Variants in NRF1 observed in about 807,000 individuals in gnomAD.
NRF1 encodes the protein alpha palindromic-binding protein.
Under a neutral mutation model 58.5 loss-of-function variants are expected in NRF1, and 5 were observed. That is an observed-to-expected ratio of 0.09 (90% confidence interval 0.04 to 0.18). The LOEUF is 0.18. Ranked by LOEUF, NRF1 falls within the 10% of genes least tolerant of loss-of-function variation. The pLI, the probability that NRF1 is intolerant of heterozygous loss-of-function variation, is 1.00. For synonymous variants in NRF1, 224 were observed against 246.7 expected (o/e 0.91, Z 0.86); for missense variants, 288 against 657.7 (o/e 0.44, Z 6.15).
chr7:129,744,125 C>G, intron 10 of NRF1: 3 of 1,362,062 alleles, frequency 2.2e-6, no homozygotes, highest in Non-Finnish European at 3.0e-6. Context: ...CCATCTTGCC[C>G]GGTGCTTTTT....
chr7:129,743,576 T>G (rs2096170631), intron 10 of NRF1, among the ~76,000 whole-genome samples: 1 of 152,240 alleles, frequency 6.6e-6, no homozygotes, highest in South Asian at 2.1e-4. Context: ...ACTTCAAATT[T>G]AGACAGTGTC....
chr7:129,667,741 GTATTTATTTATTTATTTATTTATT>G (rs140688640), intron 2 of NRF1, among the ~76,000 whole-genome samples: 38 of 144,476 alleles, frequency 2.6e-4, no homozygotes, highest in Non-Finnish European at 4.2e-4. Context: ...AATTTTAAAG[GTATTTATTTATTTATTTATTTATT>G]TATTTATTTA....
intron 10 of NRF1, among the ~76,000 whole-genome samples, chr7:129,754,141 T>G (rs1411675907): frequency 6.6e-6 from 1 of 152,042 alleles, no homozygotes; most frequent in African/African-American, 2.4e-5. Flanking sequence ...TTCTCTAAAC[T>G]TTTCTTTTCT....
intron 1 of NRF1, among the ~76,000 whole-genome samples, chr7:129,622,891 A>C (rs986728802): frequency 3.3e-5 from 5 of 152,192 alleles, no homozygotes; most frequent in Non-Finnish European, 7.4e-5. Flanking sequence ...TTTTCTAAGC[A>C]CACATGGATA....
chr7:129,727,690 G>A (rs545076162), intron 10 of NRF1, among the ~76,000 whole-genome samples: 2 of 152,246 alleles, frequency 1.3e-5, no homozygotes, highest in African/African-American at 2.4e-5. Flanking sequence ...CTGTCTCATC[G>A]GATAGGGTAG....
At chr7:129,674,852 G>A (rs1302122573) in intron 3 of NRF1, among the ~76,000 whole-genome samples, 1 of 152,298 alleles carries the variant, frequency 6.6e-6, no homozygotes, top group Admixed American at 6.5e-5. Flanking sequence ...TGATCAGGGT[G>A]GTTGTTGCTG....
intron 1 of NRF1, among the ~76,000 whole-genome samples, chr7:129,612,261 C>T (rs1017878482): frequency 2.0e-5 from 3 of 148,742 alleles, no homozygotes; most frequent in Non-Finnish European, 4.5e-5. Context: ...CCGCGGCTCT[C>T]GGCTCGCCCC....
chr7:129,626,642 T>C (rs1010501892), intron 1 of NRF1, among the ~76,000 whole-genome samples: 4 of 152,248 alleles, frequency 2.6e-5, no homozygotes, highest in African/African-American at 9.6e-5. Flanking sequence ...TAAAGGAGCA[T>C]TTAAACTTAC....
intron 4 of NRF1, among the ~76,000 whole-genome samples, chr7:129,680,436 A>G (rs558842630): frequency 2.4e-4 from 36 of 152,354 alleles, no homozygotes; most frequent in African/African-American, 8.7e-4. Context: ...TAGCAGTTCT[A>G]TTCCTAAGTT....
intron 4 of NRF1, among the ~76,000 whole-genome samples, chr7:129,688,672 ACATAG>A (rs1802495953): frequency 6.6e-6 from 1 of 150,600 alleles, no homozygotes; most frequent in Non-Finnish European, 1.5e-5. Context: ...GGCACGTCTT[ACATAG>A]TGGCAGGAGA....
At chr7:129,709,887 T>C (rs1803034432) in intron 6 of NRF1, among the ~76,000 whole-genome samples, 2 of 152,068 alleles carry the variant, frequency 1.3e-5, no homozygotes, top group South Asian at 4.2e-4. Flanking sequence ...TGCACCACCA[T>C]GCCCAGCTAA....
intron 3 of NRF1, among the ~76,000 whole-genome samples, chr7:129,673,931 G>A (rs1057313716): frequency 7.9e-5 from 12 of 151,964 alleles, no homozygotes; most frequent in African/African-American, 2.7e-4. Flanking sequence ...CCTGAGGTCG[G>A]GAGTTTGAGA....
At chr7:129,634,028 T>G (rs1037380117) in intron 1 of NRF1, among the ~76,000 whole-genome samples, 1 of 83,900 alleles carries the variant, frequency 1.2e-5, no homozygotes, top group African/African-American at 6.8e-5. Flanking sequence ...ACATCTGTAT[T>G]TAAAAAAAAA....
intron 5 of NRF1, among the ~76,000 whole-genome samples, chr7:129,694,752 TAGAC>T (rs1295088422): frequency 1.3e-5 from 2 of 152,134 alleles, no homozygotes; most frequent in Non-Finnish European, 2.9e-5. Flanking sequence ...CAAACCTAGA[TAGAC>T]AAGGGTATGG....
intron 10 of NRF1, among the ~76,000 whole-genome samples, chr7:129,727,604 A>G (rs1803478947): frequency 6.6e-6 from 1 of 152,204 alleles, no homozygotes; most frequent in Admixed American, 6.5e-5. Context: ...TGTTACTTAA[A>G]AAGTGATTAT....
chr7:129,742,892 G>C (rs1394287525), intron 10 of NRF1, among the ~76,000 whole-genome samples: 1 of 152,162 alleles, frequency 6.6e-6, no homozygotes, highest in African/African-American at 2.4e-5. Context: ...GCACTCTGTA[G>C]CCACTGTGTC....
chr7:129,645,277 G>A (rs1801380331), intron 1 of NRF1, among the ~76,000 whole-genome samples: 1 of 152,168 alleles, frequency 6.6e-6, no homozygotes, highest in South Asian at 2.1e-4. Flanking sequence ...AAAGTCAAAT[G>A]AAACTTCTCC....
intron 4 of NRF1, 109 bp downstream of exon 4, chr7:129,677,867 T>A: frequency 1.5e-6 from 2 of 1,340,988 alleles, no homozygotes; most frequent in East Asian, 4.6e-5. Flanking sequence ...TACCCCCTAA[T>A]CCAGGCATGG....
chr7:129,617,689 A>G (rs1800686043), intron 1 of NRF1, among the ~76,000 whole-genome samples: 1 of 152,166 alleles, frequency 6.6e-6, no homozygotes, highest in Non-Finnish European at 1.5e-5. Flanking sequence ...TAGAGCAAAC[A>G]AAGAGTGGTG....
Sources: gnomAD v4.1 joint callset for allele counts (sites outside exome capture counted in the v4.1 genomes callset) on GRCh38, gnomAD v4.1.1 for gene constraint, MANE v1.5 for transcripts, NCBI Gene and HGNC (gene_info 2026-07-23, HGNC 2026-07-21) for gene names.